Variants in ZSCAN5A observed in about 807,000 individuals in gnomAD.
The protein encoded by ZSCAN5A is zinc finger and SCAN domain-containing protein 5A.
ZSCAN5A carries 12 observed loss-of-function variants against 23.7 expected under a neutral mutation model. The ratio of observed to expected loss-of-function variants is 0.51; its 90% CI spans 0.32 to 0.82. ZSCAN5A has a LOEUF of 0.82. ZSCAN5A is among the 40% of genes least tolerant of loss of function. ZSCAN5A has a pLI of 0.03. For missense variants in ZSCAN5A, 597 were observed against 617.9 expected, an observed-to-expected ratio of 0.97 and a Z score of 0.36; for synonymous variants, 257 against 239.9, an observed-to-expected ratio of 1.07 and a Z score of -0.66.
chr19:56,240,464 C>T (rs1054389415), intron 2 of ZSCAN5A, among the ~76,000 whole-genome samples: 7 of 152,124 alleles, frequency 4.6e-5, no homozygotes, highest in African/African-American at 9.6e-5. Context: ...CATAAATAGG[C>T]GCAGTTCAGC....
chr19:56,333,448 T>A (rs2041507382), intron 2 of ZSCAN5A, among the ~76,000 whole-genome samples: 1 of 151,958 alleles, frequency 6.6e-6, no homozygotes, highest in South Asian at 2.1e-4. Context: ...ATAAAGCTTT[T>A]AATTGTATTT....
chr19:56,325,688 A>AGG (rs1412340357), intron 2 of ZSCAN5A, among the ~76,000 whole-genome samples: 2 of 151,836 alleles, frequency 1.3e-5, no homozygotes, highest in Non-Finnish European at 2.9e-5. Flanking sequence ...GGGGTTAAGG[A>AGG]GGGAGAATTC....
At chr19:56,330,805 T>G (rs1371491440) in intron 2 of ZSCAN5A, among the ~76,000 whole-genome samples, 2 of 152,098 alleles carry the variant, frequency 1.3e-5, no homozygotes, top group Non-Finnish European at 2.9e-5. Flanking sequence ...TAGTTTCGTT[T>G]GCTGTGTAAT....
At chr19:56,326,200 A>G (rs980130432) in intron 2 of ZSCAN5A, among the ~76,000 whole-genome samples, 1 of 151,780 alleles carries the variant, frequency 6.6e-6, no homozygotes, top group African/African-American at 2.4e-5. Flanking sequence ...GCCTCCCAAA[A>G]TGCTGGGATT....
chr19:56,312,481 A>C (rs1248041039), intron 2 of ZSCAN5A: 1 of 152,284 alleles, frequency 6.6e-6, no homozygotes, highest in Non-Finnish European at 1.5e-5. Context: ...AGAGTCAGAC[A>C]CACTGCTGCA....
intron 2 of ZSCAN5A, chr19:56,322,063 C>A (rs2147424489): frequency 2.6e-6 from 2 of 770,254 alleles, no homozygotes; most frequent in Middle Eastern, 4.9e-4. Flanking sequence ...TAGTGCACAG[C>A]CACTTCCTCT....
At chr19:56,234,997 G>A (rs886678684) in intron 2 of ZSCAN5A, among the ~76,000 whole-genome samples, 1 of 152,258 alleles carries the variant, frequency 6.6e-6, no homozygotes, top group African/African-American at 2.4e-5. Context: ...AGATTAGGCA[G>A]CACACAGGCC....
chr19:56,253,500 A>C (rs1215594616), intron 2 of ZSCAN5A, among the ~76,000 whole-genome samples: 2 of 152,174 alleles, frequency 1.3e-5, no homozygotes, highest in Non-Finnish European at 2.9e-5. Flanking sequence ...AAATAACAGG[A>C]AAATGCCAGA....
intron 2 of ZSCAN5A, among the ~76,000 whole-genome samples, chr19:56,227,516 G>T (rs1481430510): frequency 6.6e-6 from 1 of 152,052 alleles, no homozygotes; most frequent in Non-Finnish European, 1.5e-5. Context: ...AAAGAAAGTG[G>T]TTTCATGTTC....
intron 2 of ZSCAN5A, among the ~76,000 whole-genome samples, chr19:56,257,473 A>AT (rs1307874595): frequency 6.6e-6 from 1 of 152,138 alleles, no homozygotes; most frequent in East Asian, 1.9e-4. Context: ...GATGCCCACC[A>AT]TTGTTACCTG....
At chr19:56,354,332 T>A (rs1200266305) in intron 2 of ZSCAN5A, among the ~76,000 whole-genome samples, 1 of 150,812 alleles carries the variant, frequency 6.6e-6, no homozygotes, top group Admixed American at 6.7e-5. Flanking sequence ...GTTGGTTTTT[T>A]AAAAGAGTAT....
chr19:56,230,615 ATGTGTGTGTGTGTGTGTGTGTGTG>A (rs58270311), intron 2 of ZSCAN5A, among the ~76,000 whole-genome samples: 1 of 147,588 alleles, frequency 6.8e-6, no homozygotes, highest in Non-Finnish European at 1.5e-5. Flanking sequence ...TTATTTCTTG[ATGTGTGTGTGTGTGTGTGTGTGTG>A]TGTGTGTGTG....
intron 2 of ZSCAN5A, among the ~76,000 whole-genome samples, chr19:56,301,026 C>T (rs2040192464): frequency 1.3e-5 from 2 of 151,964 alleles, no homozygotes; most frequent in Non-Finnish European, 2.9e-5. Context: ...AAGAGCAGAG[C>T]CTGAAGCCTG....
At chr19:56,293,664 G>A (rs2039669218) in intron 2 of ZSCAN5A, among the ~76,000 whole-genome samples, 1 of 152,184 alleles carries the variant, frequency 6.6e-6, no homozygotes, top group Non-Finnish European at 1.5e-5. Flanking sequence ...GAGTAAACAG[G>A]ATCATGCACT....
At chr19:56,312,598 T>G (rs974629175) in intron 2 of ZSCAN5A, 4 of 152,218 alleles carry the variant, frequency 2.6e-5, no homozygotes, top group Non-Finnish European at 5.9e-5. Context: ...GAAATGTGAA[T>G]AAAGTCTGGC....
At chr19:56,324,319 G>A (rs1007555539) in intron 2 of ZSCAN5A, among the ~76,000 whole-genome samples, 2 of 152,054 alleles carry the variant, frequency 1.3e-5, no homozygotes, top group Non-Finnish European at 2.9e-5. Context: ...TTTTATGGCT[G>A]AATAATATTC....
At chr19:56,225,313 A>T in intron 2 of ZSCAN5A, 140 bp from the exon 3 acceptor site, 1 of 658,984 alleles carries the variant, frequency 1.5e-6, no homozygotes, top group Non-Finnish European at 2.2e-6. Flanking sequence ...TCTATACCTG[A>T]CTACATACTC....
At chr19:56,298,315 C>A (rs1468765930) in intron 2 of ZSCAN5A, 1 of 151,866 alleles carries the variant, frequency 6.6e-6, no homozygotes, top group African/African-American at 2.4e-5. Context: ...CCCAAAAAAA[C>A]ACAAATTACC....
At chr19:56,282,556 G>A (rs1050388031) in intron 2 of ZSCAN5A, 2 of 969,950 alleles carry the variant, frequency 2.1e-6, no homozygotes, top group Admixed American at 1.2e-4. Flanking sequence ...TGTCCAAAAG[G>A]GATCATTGCT....
Sources: gnomAD v4.1 joint callset for allele counts (sites outside exome capture counted in the v4.1 genomes callset) on GRCh38, gnomAD v4.1.1 for gene constraint, MANE v1.5 for transcripts, NCBI Gene and HGNC (gene_info 2026-07-23, HGNC 2026-07-21) for gene names.